Variants in SORCS3 observed in about 807,000 individuals in gnomAD.
SORCS3 encodes the protein VPS10 domain-containing receptor SorCS3.
SORCS3 carries 57 observed loss-of-function variants against 146.3 expected under a neutral mutation model. That is an observed-to-expected ratio of 0.39 (90% confidence interval 0.31 to 0.49). SORCS3 has a LOEUF of 0.49. SORCS3 is among the 20% of genes least tolerant of loss of function. The probability of loss-of-function intolerance (pLI) is 0.92; values close to 1 mark genes in which losing one functional copy is unlikely to be tolerated. For synonymous variants in SORCS3, 653 were observed against 618.5 expected (o/e 1.06, Z -0.83); for missense variants, 1,341 against 1,575.5 (o/e 0.85, Z 2.52).
At chr10:104,999,121 C>G (rs1288404084) in intron 4 of SORCS3, among the ~76,000 whole-genome samples, 1 of 152,128 alleles carries the variant, frequency 6.6e-6, no homozygotes, top group Non-Finnish European at 1.5e-5. Context: ...AAAAATACAT[C>G]ATTTATTTTA....
At chr10:104,766,963 C>T (rs1198421731) in intron 1 of SORCS3, among the ~76,000 whole-genome samples, 1 of 152,192 alleles carries the variant, frequency 6.6e-6, no homozygotes, top group Admixed American at 6.5e-5. Context: ...ATCTGCATTC[C>T]AGTATTATAG....
intron 22 of SORCS3, among the ~76,000 whole-genome samples, chr10:105,248,727 A>AG (rs1409027121): frequency 7.2e-5 from 11 of 151,778 alleles, no homozygotes; most frequent in Admixed American, 3.9e-4. Context: ...AAAAAAAAAA[A>AG]AAAAGAGTAC....
intron 14 of SORCS3, among the ~76,000 whole-genome samples, chr10:105,179,506 G>A (rs1010511620): frequency 2.0e-5 from 3 of 152,172 alleles, no homozygotes; most frequent in Non-Finnish European, 2.9e-5. Flanking sequence ...AGAGAATAGA[G>A]CATAATCATT....
At chr10:104,863,756 C>T (rs1017907870) in intron 2 of SORCS3, among the ~76,000 whole-genome samples, 5 of 152,190 alleles carry the variant, frequency 3.3e-5, no homozygotes, top group Non-Finnish European at 5.9e-5. Flanking sequence ...CTATCCCTAG[C>T]TTTGCAGTGG....
chr10:104,699,832 T>C (rs2016258885), intron 1 of SORCS3, among the ~76,000 whole-genome samples: 1 of 152,166 alleles, frequency 6.6e-6, no homozygotes. Flanking sequence ...TTTTAAAATA[T>C]GAATGATTCT....
intron 1 of SORCS3, among the ~76,000 whole-genome samples, chr10:104,736,513 T>C (rs995539308): frequency 2.0e-5 from 3 of 152,232 alleles, no homozygotes; most frequent in Non-Finnish European, 2.9e-5. Context: ...GATTTAGAAG[T>C]ATATTTTAAA....
intron 1 of SORCS3, among the ~76,000 whole-genome samples, chr10:104,803,291 G>T (rs1017589552): frequency 6.6e-5 from 10 of 152,200 alleles, no homozygotes; most frequent in African/African-American, 2.4e-4. Flanking sequence ...AAAAGAAAGA[G>T]AGGGGATGGG....
At chr10:104,853,027 C>T (rs746736579) in intron 2 of SORCS3, among the ~76,000 whole-genome samples, 10 of 152,148 alleles carry the variant, frequency 6.6e-5, no homozygotes, top group South Asian at 2.1e-4. Flanking sequence ...AGGCCGGGCG[C>T]GGTGGCTCAT....
intron 6 of SORCS3, among the ~76,000 whole-genome samples, chr10:105,091,872 G>C (rs576457335): frequency 6.6e-6 from 1 of 152,230 alleles, no homozygotes; most frequent in South Asian, 2.1e-4. Flanking sequence ...ATGACCCACA[G>C]GCCAGTTTTC....
At chr10:105,083,555 C>T (rs1169016008) in intron 5 of SORCS3, among the ~76,000 whole-genome samples, 1 of 152,112 alleles carries the variant, frequency 6.6e-6, no homozygotes, top group Non-Finnish European at 1.5e-5. Context: ...CTTACACATG[C>T]CTCACCTCAT....
chr10:104,678,732 G>A (rs1025275987), intron 1 of SORCS3, among the ~76,000 whole-genome samples: 2 of 152,164 alleles, frequency 1.3e-5, no homozygotes, highest in Non-Finnish European at 2.9e-5. Flanking sequence ...TTTTCAAAAT[G>A]AGTCAGCAAC....
intron 1 of SORCS3, among the ~76,000 whole-genome samples, chr10:104,798,443 C>T (rs577377452): frequency 4.6e-5 from 7 of 152,162 alleles, no homozygotes; most frequent in Non-Finnish European, 1.0e-4. Flanking sequence ...ATAACAATCA[C>T]AGAGAAGCTC....
At chr10:104,857,752 T>C (rs1308562659) in intron 2 of SORCS3, among the ~76,000 whole-genome samples, 1 of 152,156 alleles carries the variant, frequency 6.6e-6, no homozygotes, top group Non-Finnish European at 1.5e-5. Context: ...GGTACCAGGC[T>C]TTACTGGCTT....
chr10:105,262,865 A>G (rs985270103), intron 26 of SORCS3, among the ~76,000 whole-genome samples: 2 of 152,180 alleles, frequency 1.3e-5, no homozygotes, highest in Non-Finnish European at 2.9e-5. Context: ...CTGCTAATCT[A>G]CTACATCTGT....
intron 13 of SORCS3, among the ~76,000 whole-genome samples, chr10:105,176,563 A>AT (rs1365854798): frequency 6.6e-6 from 1 of 151,806 alleles, no homozygotes; most frequent in Non-Finnish European, 1.5e-5. Flanking sequence ...CTTTAAAAAA[A>AT]CAAAAAACAT....
intron 1 of SORCS3, among the ~76,000 whole-genome samples, chr10:104,666,367 A>G (rs2015776595): frequency 6.6e-6 from 1 of 152,132 alleles, no homozygotes; most frequent in African/African-American, 2.4e-5. Context: ...GGAGGAGAAG[A>G]GGAAAGGGGA....
At chr10:104,852,192 G>A (rs1180177674) in intron 2 of SORCS3, among the ~76,000 whole-genome samples, 1 of 152,188 alleles carries the variant, frequency 6.6e-6, no homozygotes. Flanking sequence ...AGGAATGTAA[G>A]GCCTGTGTAA....
intron 1 of SORCS3, among the ~76,000 whole-genome samples, chr10:104,685,767 A>G (rs752018117): frequency 1.3e-5 from 2 of 152,190 alleles, no homozygotes; most frequent in Non-Finnish European, 1.5e-5. Context: ...CAGGACTATC[A>G]TGTGCATTGT....
chr10:104,824,008 G>A (rs951861141), intron 1 of SORCS3, among the ~76,000 whole-genome samples: 1 of 152,058 alleles, frequency 6.6e-6, no homozygotes, highest in Non-Finnish European at 1.5e-5. Flanking sequence ...AAGGAATGGG[G>A]GAAAAGAAAA....
Sources: gnomAD v4.1 joint callset for allele counts (sites outside exome capture counted in the v4.1 genomes callset) on GRCh38, gnomAD v4.1.1 for gene constraint, MANE v1.5 for transcripts, NCBI Gene and HGNC (gene_info 2026-07-23, HGNC 2026-07-21) for gene names.